The following SNCAIP variants were observed in gnomAD, a reference collection of about 807,000 sequenced individuals.
SNCAIP encodes synuclein alpha interacting protein, also known as synphilin-1.
In SNCAIP, 43 loss-of-function variants were observed where a neutral mutation model predicts 86.7. The observed-to-expected ratio is 0.50, with a 90% CI of 0.39 to 0.64. SNCAIP has a LOEUF of 0.64. Among genes scored for constraint, SNCAIP ranks in the 30% least tolerant of loss-of-function variants. The pLI is 0.00. For synonymous variants in SNCAIP, 417 were observed against 427.2 expected (o/e 0.98, Z 0.29); for missense variants, 981 against 1,103.1 (o/e 0.89, Z 1.57).
intron 1 of SNCAIP, chr5:122,336,657 A>G (rs115102139): frequency 0.03 from 4,528 of 152,500 alleles, 111 homozygotes; most frequent in Non-Finnish European, 0.048. Flanking sequence ...CTGGAGTGCA[A>G]TGGTGCAATT....
At chr5:122,364,674 A>G (rs1370477293) in intron 1 of SNCAIP, among the ~76,000 whole-genome samples, 1 of 152,252 alleles carries the variant, frequency 6.6e-6, no homozygotes, top group Non-Finnish European at 1.5e-5. Flanking sequence ...GTCAACAGCC[A>G]ATTTGAGGCC....
intron 1 of SNCAIP, among the ~76,000 whole-genome samples, chr5:122,378,760 G>T (rs1371076478): frequency 7.2e-6 from 1 of 139,168 alleles, no homozygotes; most frequent in Non-Finnish European, 1.6e-5. Flanking sequence ...TCTACATATG[G>T]CTAGCCAGTT....
intron 2 of SNCAIP, among the ~76,000 whole-genome samples, chr5:122,400,128 G>T (rs925532147): frequency 1.3e-5 from 2 of 151,828 alleles, no homozygotes; most frequent in African/African-American, 2.4e-5. Flanking sequence ...CATATGTAAA[G>T]GTATAGACAG....
chr5:122,332,997 A>G (rs554275763), intron 1 of SNCAIP, among the ~76,000 whole-genome samples: 1 of 152,366 alleles, frequency 6.6e-6, no homozygotes, highest in African/African-American at 2.4e-5. Context: ...GTTGAGAGAC[A>G]TGGCCACTAT....
intron 1 of SNCAIP, among the ~76,000 whole-genome samples, chr5:122,376,439 C>T (rs1293356593): frequency 1.3e-5 from 2 of 152,128 alleles, no homozygotes; most frequent in African/African-American, 4.8e-5. Flanking sequence ...CTCCAGTTCC[C>T]AGATTATTCC....
At chr5:122,419,028 G>C (rs1037903872) in intron 3 of SNCAIP, among the ~76,000 whole-genome samples, 12 of 152,166 alleles carry the variant, frequency 7.9e-5, no homozygotes, top group Admixed American at 5.2e-4. Flanking sequence ...CTTGGTGCCT[G>C]AGCGATGAAG....
At chr5:122,318,677 A>G (rs935672149) in intron 1 of SNCAIP, among the ~76,000 whole-genome samples, 1 of 152,144 alleles carries the variant, frequency 6.6e-6, no homozygotes, top group Non-Finnish European at 1.5e-5. Context: ...CTGCTCAGAC[A>G]CTTTTTCAAC....
Position 122,425,356 on chromosome 5 carries a change from A to C in SNCAIP, c.1007A>C (p.His336Pro), listed in dbSNP as rs1295672829. ...CTAATCTTACTATTTATACAGCCAC[A>C]CCTAGCTGCAGACAATCTAGACAAA... ...VKEGQISLLP[H>P]LAADNLDKIH... Residue 336 changes from histidine (H) to proline (P), a missense_variant, in exon 5 of 11, where the codon CAC (histidine) becomes CCC (proline). Transcript: ENST00000261368. 1 of 1,612,956 alleles carries C rather than the reference A, an allele frequency of 6.2e-7. No homozygotes were observed. The highest frequency in any genetic ancestry group is 1.7e-5 in the Admixed American group (1 of 60,020).
At chr5:122,414,042 T>G (rs1368424133) in intron 3 of SNCAIP, among the ~76,000 whole-genome samples, 4 of 152,076 alleles carry the variant, frequency 2.6e-5, no homozygotes, top group African/African-American at 9.7e-5. Flanking sequence ...CCCTAGTAGA[T>G]GAAACTACAG....
At chr5:122,341,849 A>T (rs1266646127) in intron 1 of SNCAIP, among the ~76,000 whole-genome samples, 6 of 152,180 alleles carry the variant, frequency 3.9e-5, no homozygotes, top group African/African-American at 1.4e-4. Context: ...TACTTAAAAA[A>T]CAATACTCCA....
intron 1 of SNCAIP, among the ~76,000 whole-genome samples, chr5:122,316,210 C>G (rs772609221): frequency 1.3e-5 from 2 of 152,166 alleles, no homozygotes; most frequent in Non-Finnish European, 2.9e-5. Flanking sequence ...AAAATACAAC[C>G]TCAGGGATTC....
At chr5:122,312,731 GA>G (rs1386545517) in intron 1 of SNCAIP, 1 of 152,382 alleles carries the variant, frequency 6.6e-6, no homozygotes, top group Non-Finnish European at 1.5e-5. Flanking sequence ...AATAGCTGTA[GA>G]AAAGGGACGT....
chr5:122,317,827 C>T (rs548244362), intron 1 of SNCAIP, among the ~76,000 whole-genome samples: 22 of 152,228 alleles, frequency 1.4e-4, no homozygotes, highest in African/African-American at 5.3e-4. Context: ...GGAATGATCT[C>T]GATCTGACCT....
At chr5:122,415,385 T>C (rs931483464) in intron 3 of SNCAIP, among the ~76,000 whole-genome samples, 2 of 152,226 alleles carry the variant, frequency 1.3e-5, no homozygotes, top group African/African-American at 2.4e-5. Context: ...ACTCACCACT[T>C]TGTTTCTTGT....
At chr5:122,383,631 A>G (rs1284158191) in intron 1 of SNCAIP, 1 of 152,226 alleles carries the variant, frequency 6.6e-6, no homozygotes, top group Non-Finnish European at 1.5e-5. Context: ...AGTCTCTCCA[A>G]GCTCTCAAGT....
intron 1 of SNCAIP, among the ~76,000 whole-genome samples, chr5:122,345,632 A>G (rs1348470736): frequency 2.0e-5 from 3 of 152,004 alleles, no homozygotes; most frequent in African/African-American, 7.2e-5. Context: ...ATGGTATAAT[A>G]TGGCCATATT....
intron 6 of SNCAIP, chr5:122,436,988 T>C (rs1392178402): frequency 6.6e-6 from 1 of 152,192 alleles, no homozygotes; most frequent in Non-Finnish European, 1.5e-5. Flanking sequence ...GGGTGGATGA[T>C]GAAATGTAAG....
At chr5:122,453,758 C>T (rs1392083851) in intron 10 of SNCAIP, among the ~76,000 whole-genome samples, 2 of 136,638 alleles carry the variant, frequency 1.5e-5, no homozygotes, top group Non-Finnish European at 3.2e-5. Flanking sequence ...AAGACTATCA[C>T]TTTTTTTTTT....
chr5:122,452,910 A>G, intron 10 of SNCAIP: 1 of 1,526,936 alleles, frequency 6.5e-7, no homozygotes, highest in South Asian at 1.2e-5. Flanking sequence ...ATGATTTTTA[A>G]TTGCACCTCT....
Sources: allele counts gnomAD v4.1 joint callset (sites outside exome capture counted in the v4.1 genomes callset), GRCh38; gene constraint gnomAD v4.1.1; transcripts MANE v1.5; gene names NCBI Gene and HGNC (gene_info 2026-07-23, HGNC 2026-07-21).